The following OPHN1 variants were observed in gnomAD, a reference collection of about 807,000 sequenced individuals.
OPHN1 encodes the protein oligophrenin 1.
In OPHN1, 11 loss-of-function variants were observed where a neutral mutation model predicts 60.7. That is an observed-to-expected ratio of 0.18 (90% CI 0.11 to 0.30). The LOEUF (loss-of-function observed/expected upper bound fraction) is 0.30. Ranked by LOEUF, OPHN1 falls within the 10% of genes least tolerant of loss-of-function variation. The pLI is 1.00. For synonymous variants in OPHN1, 226 were observed against 222.6 expected (o/e 1.02, Z -0.14); for missense variants, 449 against 611.0 (o/e 0.73, Z 2.80).
chrX:68,280,143 C>T (rs1486756419), intron 4 of OPHN1, among the ~76,000 whole-genome samples: 1 of 111,610 alleles, frequency 9.0e-6, no homozygotes, highest in East Asian at 2.8e-4. Flanking sequence ...ACATATTGGT[C>T]TCTTCTTAGT....
intron 10 of OPHN1, among the ~76,000 whole-genome samples, chrX:68,204,549 A>G (rs900331996): frequency 2.1e-4 from 24 of 112,167 alleles, no homozygotes; most frequent in African/African-American, 7.8e-4. Context: ...TGTAAAATTT[A>G]TAATTGTAAA....
At chrX:68,267,494 C>G (rs968341883) in intron 5 of OPHN1, among the ~76,000 whole-genome samples, 6 of 111,868 alleles carry the variant, frequency 5.4e-5, no homozygotes, top group African/African-American at 2.0e-4. Flanking sequence ...AACAAAGACG[C>G]AACATACCAG....
chrX:68,272,409 A>G (rs1240791049), intron 5 of OPHN1, among the ~76,000 whole-genome samples: 3 of 112,629 alleles, frequency 2.7e-5, no homozygotes, highest in African/African-American at 9.7e-5. Context: ...CCCTCAGTGC[A>G]GGCATGGGCC....
At chrX:68,171,530 A>G (rs1289008520) in intron 15 of OPHN1, among the ~76,000 whole-genome samples, 2 of 110,938 alleles carry the variant, frequency 1.8e-5, no homozygotes, top group Non-Finnish European at 1.9e-5. Flanking sequence ...GAGGTCAAGA[A>G]TTCAAGACTA....
At chrX:68,148,166 G>C (rs1463038362) in intron 15 of OPHN1, among the ~76,000 whole-genome samples, 2 of 110,919 alleles carry the variant, frequency 1.8e-5, no homozygotes, top group African/African-American at 6.6e-5. Flanking sequence ...GATGATGACA[G>C]GCAATGAGAT....
intron 2 of OPHN1, among the ~76,000 whole-genome samples, chrX:68,360,708 G>A (rs989128773): frequency 7.2e-5 from 8 of 110,845 alleles, no homozygotes; most frequent in East Asian, 2.9e-4. Flanking sequence ...TCTTGAGCCC[G>A]GGAGGTGGGG....
chrX:68,222,328 G>A lies in OPHN1; in HGVS notation c.487-8356C>T, dbSNP rs1481362201. ...AAATAGGAACACTTTTACACTGTTG[G>A]TGGGACTGTAAACTAGTTCAACCAT... On this transcript the variant is annotated intron_variant, in intron 6 of 24. Coordinates refer to ENST00000355520, the MANE Select transcript of OPHN1 (RefSeq NM_002547.3). Among the ~76,000 whole-genome samples, 373 of 107,985 alleles carry A rather than the reference G, an allele frequency of 3.5e-3. 1 individual carries two copies. Among genetic ancestry groups the A allele is most frequent in the Non-Finnish European group, 5.4e-3 (283 of 52,011 alleles). 93.8% of individuals were successfully genotyped at this position (107,985 alleles called of 115,157 possible). A position where few individuals can be genotyped will look rare whatever the true frequency, so the allele number is the denominator to read the frequency against.
At chrX:68,295,269 A>T (rs1382092888) in intron 3 of OPHN1, among the ~76,000 whole-genome samples, 1 of 112,180 alleles carries the variant, frequency 8.9e-6, no homozygotes, top group Non-Finnish European at 1.9e-5. Context: ...GGGAAATATA[A>T]TTTCAAACCA....
intron 18 of OPHN1, among the ~76,000 whole-genome samples, chrX:68,098,456 T>G (rs1307099357): frequency 6.3e-5 from 7 of 111,491 alleles, no homozygotes; most frequent in Middle Eastern, 4.7e-3. Context: ...ACACTCACTC[T>G]CCACACCTAC....
chrX:68,069,536 A>G (rs1181178930), intron 20 of OPHN1, among the ~76,000 whole-genome samples: 1 of 111,249 alleles, frequency 9.0e-6, no homozygotes, highest in East Asian at 2.8e-4. Context: ...ACATCCACTC[A>G]TTCATTCTTA....
At chrX:68,380,062 T>C (rs770583488) in intron 2 of OPHN1, among the ~76,000 whole-genome samples, 2 of 111,546 alleles carry the variant, frequency 1.8e-5, no homozygotes, top group African/African-American at 6.5e-5. Context: ...GGTCATGGAC[T>C]CTTTTTTGTT....
intron 2 of OPHN1, among the ~76,000 whole-genome samples, chrX:68,321,246 C>A (rs1466084159): frequency 9.0e-6 from 1 of 111,518 alleles, no homozygotes; most frequent in African/African-American, 3.3e-5. Flanking sequence ...AGGTGCCAGG[C>A]ATGGGTCCAT....
chrX:68,359,971 C>T (rs187441856), intron 2 of OPHN1, among the ~76,000 whole-genome samples: 53 of 108,435 alleles, frequency 4.9e-4, no homozygotes, highest in African/African-American at 1.7e-3. Flanking sequence ...AGGCAAGTTA[C>T]TTAACCCCTC....
Position 68,341,972 on chromosome X carries a change from T to G in OPHN1, c.155-42876A>C, listed in dbSNP as rs942493947. Among the ~76,000 whole-genome samples the G allele has an allele frequency of 7.7e-3, 684 of 88,441 alleles. 7 individuals carry two copies. The highest frequency in any genetic ancestry group is 0.04 in the African/African-American group (650 of 16,319). 76.8% of individuals were successfully genotyped at this position (88,441 alleles called of 115,157 possible). A position where few individuals can be genotyped will look rare whatever the true frequency, so the allele number is the denominator to read the frequency against. ...GAAAAAAAGTTAATTTTTGGTGTTTTTTTTTTTTTTTTTTTGAGACACAGT... is the reference window on the plus strand; with the variant it reads ...GAAAAAAAGTTAATTTTTGGTGTTTGTTTTTTTTTTTTTTTGAGACACAGT... On this transcript the variant is annotated intron_variant, in intron 2 of 24. Transcript: ENST00000355520.
Position 68,193,905 on chromosome X carries a change from T to C in OPHN1, c.1186A>G (p.Ile396Val). The C allele has an allele frequency of 1.7e-6, 2 of 1,206,662 alleles. No homozygotes were observed. The change falls in exon 14 of 25, where the codon ATT becomes GTT. Residue 396 changes from isoleucine to valine, a missense_variant. Physicochemically the swap from Ile to Val is conservative, Grantham distance 29. Coordinates refer to ENST00000355520, the MANE Select transcript of OPHN1 (RefSeq NM_002547.3). ...CAGATCTTACCTTTGGTCTCAATAA[T>C]ATTGATGCACTTCCTGACAAACTTG... ...GFKFVRKCIN[I>V]IETKGIKTEG...
intron 2 of OPHN1, among the ~76,000 whole-genome samples, chrX:68,381,987 A>C (rs764110676): frequency 6.3e-5 from 7 of 111,944 alleles, no homozygotes; most frequent in Non-Finnish European, 1.1e-4. Flanking sequence ...TGTAAATGAA[A>C]AGGAGTGAAA....
chrX:68,205,840 C>T (rs763834809), intron 10 of OPHN1, among the ~76,000 whole-genome samples: 13 of 111,799 alleles, frequency 1.2e-4, no homozygotes, highest in African/African-American at 3.6e-4. Context: ...AAAAATCATG[C>T]ACTAAGACCC....
chrX:68,242,962 G>A (rs899172580), intron 5 of OPHN1, among the ~76,000 whole-genome samples: 2 of 111,032 alleles, frequency 1.8e-5, no homozygotes, highest in African/African-American at 6.6e-5. Flanking sequence ...TTGCCTCCTG[G>A]GTTCAAGTGA....
chrX:68,142,782 T>C (rs1399837022), intron 15 of OPHN1, among the ~76,000 whole-genome samples: 2 of 111,988 alleles, frequency 1.8e-5, no homozygotes, highest in East Asian at 5.6e-4. Context: ...TATGCTTTAT[T>C]TTATTTAAAT....
Sources: gnomAD v4.1 joint callset for allele counts (sites outside exome capture counted in the v4.1 genomes callset) on GRCh38, gnomAD v4.1.1 for gene constraint, MANE v1.5 for transcripts, NCBI Gene and HGNC (gene_info 2026-07-23, HGNC 2026-07-21) for gene names.